STK4: variants seen among roughly 807,000 people sequenced by gnomAD.
The protein encoded by STK4 is serine/threonine kinase 4.
In STK4, 30 loss-of-function variants were observed where a neutral mutation model predicts 64.9. The observed-to-expected ratio is 0.46, with a 90% CI of 0.35 to 0.63. The LOEUF (loss-of-function observed/expected upper bound fraction) is 0.63. STK4 is among the 20% of genes least tolerant of loss of function. The pLI is 0.01. For missense variants in STK4, 466 were observed against 598.5 expected, an observed-to-expected ratio of 0.78 and a Z score of 2.31; for synonymous variants, 177 against 199.0, an observed-to-expected ratio of 0.89 and a Z score of 0.93.
chr20:45,075,155 G>A lies in STK4; in HGVS notation c.1443G>A (p.Lys481=), dbSNP rs751609402. 2.5e-6 allele frequency: 4 copies of A among 1,613,872 alleles called. No individual in the cohort carries two copies. In the East Asian group the frequency reaches 8.9e-5, roughly 36 times the overall value. ...TCCTGGATGCCATAGAGGCTAAGAA[G>A]AGACGGCAACAAAACTTCTGAGCAA... ...QPILDAIEAK[K]RRQQNF is the part of the protein sequence containing the mutation. Residue 481 remains lysine (K), a synonymous_variant, in exon 11 of 11, where the codon AAG becomes AAA. Transcript: ENST00000372806.
At chr20:45,004,369 TAA>T (rs2067895702) in intron 9 of STK4, 1 of 152,166 alleles carries the variant, frequency 6.6e-6, no homozygotes, top group South Asian at 2.1e-4. Context: ...GTGCTGGGAT[TAA>T]AAGTCATGAG....
In STK4 at chr20:45,078,362, ACG is replaced by A. The variant is rs1980679303; in HGVS notation, c.*3188_*3189del. ...CTGCCACTACAGGTGCTGCACCACC[ACG>A]CCCGGCTAATTTTTGTATTTTTAGT... On this transcript the variant is annotated 3_prime_UTR_variant, in exon 11 of 11. Coordinates refer to ENST00000372806, the MANE Select transcript of STK4 (RefSeq NM_006282.5). 6.6e-6 allele frequency: 1 copy of A among 151,832 alleles called. No individual in the cohort carries two copies. Among genetic ancestry groups the A allele is most frequent in the East Asian group, 1.9e-4 (1 of 5,176 alleles). 9.4% of individuals were successfully genotyped at this position (151,832 alleles called of 1,614,324 possible).
At position 45,053,212 on chromosome 20, in the gene STK4, C is replaced by T. The variant is rs748896843; in HGVS notation, c.1306-21806C>T. ...GAATGTCATCTTTGTCTCAGAACCA[C>T]AGTAGCCTGGTTCTGCTGGTGGATC... On this transcript the variant is annotated intron_variant, in intron 10 of 10. Transcript: ENST00000372806. The T allele has an allele frequency of 1.6e-5, 24 of 1,533,200 alleles. No individual in the cohort carries two copies. In the South Asian group the frequency reaches 2.6e-4, roughly 17 times the overall value. 95.0% of individuals were successfully genotyped at this position (1,533,200 alleles called of 1,614,324 possible).
At chr20:45,011,721 ATATATATATTT>A (rs1430581743) in intron 9 of STK4, among the ~76,000 whole-genome samples, 40 of 105,496 alleles carry the variant, frequency 3.8e-4, no homozygotes, top group Non-Finnish European at 5.5e-4. Context: ...ATATATATAT[ATATATATATTT>A]TTTTTTTTTT....
intron 10 of STK4, among the ~76,000 whole-genome samples, chr20:45,044,795 G>T (rs148347154): frequency 6.6e-6 from 1 of 152,298 alleles, no homozygotes; most frequent in African/African-American, 2.4e-5. Flanking sequence ...AATGGCCCAG[G>T]CTTTAGCTGG....
chr20:45,068,261 G>T (rs1472597830), intron 10 of STK4, among the ~76,000 whole-genome samples: 2 of 152,102 alleles, frequency 1.3e-5, no homozygotes, highest in Admixed American at 1.3e-4. Flanking sequence ...CCCCTAACCT[G>T]AGCTGCTTCT....
chr20:44,996,991 A>G (rs139580334), intron 6 of STK4, among the ~76,000 whole-genome samples, 178 bp from the exon 7 acceptor site: 2 of 152,236 alleles, frequency 1.3e-5, no homozygotes, highest in African/African-American at 4.8e-5. Context: ...AGAGAGGGAG[A>G]TATATCAGGT....
chr20:45,030,607 T>C (rs544376086), intron 10 of STK4, among the ~76,000 whole-genome samples: 6 of 152,314 alleles, frequency 3.9e-5, no homozygotes, highest in East Asian at 3.9e-4. Flanking sequence ...AAACTGAATA[T>C]TTGTCTCATT....
intron 10 of STK4, among the ~76,000 whole-genome samples, chr20:45,038,400 T>C (rs2068560611): frequency 6.6e-6 from 1 of 152,128 alleles, no homozygotes; most frequent in Non-Finnish European, 1.5e-5. Context: ...TGTTACTGTT[T>C]AGTCTCCTGG....
intron 10 of STK4, among the ~76,000 whole-genome samples, chr20:45,057,150 C>A (rs1438760143): frequency 2.0e-5 from 3 of 152,198 alleles, no homozygotes; most frequent in African/African-American, 7.2e-5. Context: ...TGCAAGGTCA[C>A]AGAAAGACCA....
chr20:45,025,169 G>A (rs13044852), intron 10 of STK4, 39 bp downstream of exon 10: 56,035 of 1,573,490 alleles, frequency 0.036, 1,137 homozygotes, highest in Middle Eastern at 0.045. Flanking sequence ...GTCTTCAGGG[G>A]AAGTTATTTG....
chr20:45,026,318 A>AGAGTGT (rs149719235), intron 10 of STK4, among the ~76,000 whole-genome samples: 4 of 145,688 alleles, frequency 2.7e-5, no homozygotes, highest in African/African-American at 1.0e-4. Context: ...AGACAGAAAG[A>AGAGTGT]GTGTGTGTGT....
rs1466880650 is a variant in STK4 at position 45,001,151 on chromosome 20, T to C, written c.961-16T>C. 1 of 1,597,434 alleles carries C rather than the reference T, an allele frequency of 6.3e-7. No homozygotes were observed. Among genetic ancestry groups the C allele is most frequent in the South Asian group, 1.1e-5 (1 of 90,032 alleles). ...TTGTCAAATTAGCCCCAATTTGAGA[T>C]TGTATCCTTTTACAGGAAGAGGATG... is the stretch of plus-strand genomic sequence containing the variant. On this transcript the variant is annotated splice_polypyrimidine_tract_variant and intron_variant, in intron 8 of 10. Coordinates refer to ENST00000372806, the MANE Select transcript of STK4 (RefSeq NM_006282.5).
At chr20:44,982,638 C>A (rs1231426643) in intron 4 of STK4, among the ~76,000 whole-genome samples, 1 of 152,032 alleles carries the variant, frequency 6.6e-6, no homozygotes, top group Non-Finnish European at 1.5e-5. Context: ...AGAATAATCC[C>A]CTTATGAAAG....
chr20:44,994,350 A>G (rs976131194), intron 5 of STK4, among the ~76,000 whole-genome samples: 1 of 150,716 alleles, frequency 6.6e-6, no homozygotes, highest in African/African-American at 2.4e-5. Flanking sequence ...TTATTGTTTT[A>G]TTATTGTTAT....
intron 10 of STK4, among the ~76,000 whole-genome samples, chr20:45,052,629 G>A (rs1978293072): frequency 6.6e-6 from 1 of 152,088 alleles, no homozygotes; most frequent in African/African-American, 2.4e-5. Context: ...TTGAGTCTTT[G>A]TGATTGTTTT....
At chr20:44,997,104 A>AT (rs2067744849) in intron 6 of STK4, 65 bp from the exon 7 acceptor site, 4 of 1,601,268 alleles carry the variant, frequency 2.5e-6, no homozygotes, top group Non-Finnish European at 3.4e-6. Context: ...TTCCACATGT[A>AT]TTTTTTATTG....
intron 10 of STK4, among the ~76,000 whole-genome samples, chr20:45,036,333 C>A (rs2068526527): frequency 6.6e-6 from 1 of 152,050 alleles, no homozygotes; most frequent in African/African-American, 2.4e-5. Context: ...AATCTTGTGC[C>A]ATGGCGCATC....
At chr20:45,009,519 T>C (rs917610695) in intron 9 of STK4, among the ~76,000 whole-genome samples, 1 of 152,186 alleles carries the variant, frequency 6.6e-6, no homozygotes, top group Admixed American at 6.5e-5. Context: ...CTATTTGGGC[T>C]CTTTTTGGTT....
Sources: gnomAD v4.1 joint callset for allele counts (sites outside exome capture counted in the v4.1 genomes callset) on GRCh38, gnomAD v4.1.1 for gene constraint, MANE v1.5 for transcripts, NCBI Gene and HGNC (gene_info 2026-07-23, HGNC 2026-07-21) for gene names.